The following ADCY2 variants were observed in gnomAD, a reference collection of about 807,000 sequenced individuals.
ADCY2 encodes the protein adenylate cyclase type 2.
A neutral mutation model predicts 125.2 loss-of-function variants in ADCY2; 31 were observed. The ratio of observed to expected loss-of-function variants is 0.25; its 90% CI spans 0.19 to 0.33. The LOEUF (loss-of-function observed/expected upper bound fraction) is 0.33, where lower values mean the gene tolerates loss of function less well. Ranked by LOEUF, ADCY2 falls within the 10% of genes least tolerant of loss-of-function variation. The pLI is 1.00. For missense variants in ADCY2, 904 were observed against 1,418.2 expected (o/e 0.64, Z 5.82); for synonymous variants, 512 against 548.4 (o/e 0.93, Z 0.93).
In ADCY2 at chr5:7,661,691, A is replaced by G. The variant is rs375034371; in HGVS notation, c.721-29000A>G. ...TGACATGGAAGTTTTGATAAAATTC[A>G]GCTGATCTGTCTCCATCTGTCCTGA... On this transcript the variant is annotated intron_variant, in intron 4 of 24. Coordinates refer to ENST00000338316, the MANE Select transcript of ADCY2 (RefSeq NM_020546.3). Among the ~76,000 whole-genome samples the G allele has an allele frequency of 2.6e-5, 4 of 152,334 alleles. No individual in the cohort carries two copies. The East Asian group carries it at 5.8e-4, about 22-fold the overall frequency.
intron 4 of ADCY2, among the ~76,000 whole-genome samples, chr5:7,665,753 C>G (rs1212992574): frequency 1.3e-5 from 2 of 149,130 alleles, no homozygotes; most frequent in Non-Finnish European, 3.0e-5. Flanking sequence ...CCGGCCACAT[C>G]TCTATCTCTC....
At chr5:7,439,610 A>G (rs2126395671) in intron 2 of ADCY2, among the ~76,000 whole-genome samples, 1 of 152,290 alleles carries the variant, frequency 6.6e-6, no homozygotes, top group African/African-American at 2.4e-5. Flanking sequence ...CCTCATTAAT[A>G]TTAACTATTC....
chr5:7,738,828 G>A (rs4551035), intron 14 of ADCY2, among the ~76,000 whole-genome samples: 150,991 of 152,060 alleles, frequency 0.99, 74,970 homozygotes, highest in Middle Eastern at 1. Context: ...ACCAGGAGGC[G>A]TAAAATCATA....
intron 3 of ADCY2, among the ~76,000 whole-genome samples, chr5:7,576,005 C>T (rs1475557465): frequency 6.6e-6 from 1 of 152,116 alleles, no homozygotes; most frequent in Non-Finnish European, 1.5e-5. Context: ...TCTAAAGCAA[C>T]AAGGAAGGAT....
At position 7,782,511 on chromosome 5, in the gene ADCY2, C is replaced by T. The variant is rs553119036; in HGVS notation, c.2385-1854C>T. ...TAGTTAGAAATGCAAAGGGGACTTGCGTTCTGATTTGTTGCACTAATGAAG... is the reference window on the plus strand; with the variant it reads ...TAGTTAGAAATGCAAAGGGGACTTGTGTTCTGATTTGTTGCACTAATGAAG... On this transcript the variant is annotated intron_variant, in intron 18 of 24. Coordinates refer to ENST00000338316, the MANE Select transcript of ADCY2 (RefSeq NM_020546.3). Among the ~76,000 whole-genome samples the T allele has an allele frequency of 2.6e-5, 4 of 152,300 alleles. 1 individual carries two copies. In the South Asian group the frequency reaches 8.3e-4, roughly 32 times the overall value.
chr5:7,674,434 G>A (rs147667370), intron 4 of ADCY2, among the ~76,000 whole-genome samples: 8 of 152,296 alleles, frequency 5.3e-5, no homozygotes, highest in Non-Finnish European at 8.8e-5. Context: ...GCGCCATTTC[G>A]AGTGTGCTCA....
At chr5:7,510,463 G>A (rs1744012852) in intron 2 of ADCY2, among the ~76,000 whole-genome samples, 1 of 152,180 alleles carries the variant, frequency 6.6e-6, no homozygotes, top group South Asian at 2.1e-4. Context: ...CTGGGAAGCA[G>A]GGTTACCATA....
At chr5:7,804,069 A>AGAGAGAGAGAGAGCGC (rs1553990875) in intron 21 of ADCY2, among the ~76,000 whole-genome samples, 1 of 140,444 alleles carries the variant, frequency 7.1e-6, no homozygotes, top group South Asian at 2.2e-4. Context: ...AGAGAGAGAG[A>AGAGAGAGAGAGAGCGC]GAGAGCTGGT....
chr5:7,615,926 A>G (rs902337452), intron 3 of ADCY2, among the ~76,000 whole-genome samples: 15 of 152,238 alleles, frequency 9.9e-5, no homozygotes, highest in Admixed American at 2.6e-4. Context: ...CACATTGGCC[A>G]CTGATCATCA....
chr5:7,531,181 T>C (rs1734628014), intron 3 of ADCY2, among the ~76,000 whole-genome samples: 1 of 152,174 alleles, frequency 6.6e-6, no homozygotes, highest in South Asian at 2.1e-4. Context: ...AGTAGGCATA[T>C]AGAGAGCTGG....
At chr5:7,711,062 A>G (rs983451827) in intron 10 of ADCY2, among the ~76,000 whole-genome samples, 1 of 152,196 alleles carries the variant, frequency 6.6e-6, no homozygotes, top group Non-Finnish European at 1.5e-5. Context: ...CTTCTAACCT[A>G]TAGTTAAGTG....
intron 7 of ADCY2, among the ~76,000 whole-genome samples, chr5:7,702,127 C>T (rs1014861325): frequency 2.6e-5 from 4 of 151,832 alleles, no homozygotes; most frequent in African/African-American, 9.7e-5. Context: ...CATGGTGGCT[C>T]ATGCCTGTAA....
At chr5:7,429,134 C>A (rs1579434860) in intron 2 of ADCY2, among the ~76,000 whole-genome samples, 1 of 152,164 alleles carries the variant, frequency 6.6e-6, no homozygotes, top group African/African-American at 2.4e-5. Flanking sequence ...AAAAAAGCTC[C>A]AGGAAAGAGC....
chr5:7,799,123 T>C (rs1744515731), intron 20 of ADCY2: 1 of 152,244 alleles, frequency 6.6e-6, no homozygotes, highest in Non-Finnish European at 1.5e-5. Flanking sequence ...AAACTCACTT[T>C]CAATTCTAAA....
intron 10 of ADCY2, among the ~76,000 whole-genome samples, chr5:7,712,363 A>G (rs1487908735): frequency 6.6e-6 from 1 of 152,098 alleles, no homozygotes; most frequent in Non-Finnish European, 1.5e-5. Flanking sequence ...ATTTTGTCCA[A>G]TGGTTTGTGA....
intron 3 of ADCY2, among the ~76,000 whole-genome samples, chr5:7,571,567 T>C (rs867523720): frequency 6.6e-6 from 1 of 152,184 alleles, no homozygotes; most frequent in Non-Finnish European, 1.5e-5. Flanking sequence ...AAATTTTGTA[T>C]AGTTTGTTCT....
At chr5:7,721,385 G>A (rs1019849362) in intron 12 of ADCY2, among the ~76,000 whole-genome samples, 40 of 152,310 alleles carry the variant, frequency 2.6e-4, no homozygotes, top group African/African-American at 8.9e-4. Flanking sequence ...TTGCTGTGCA[G>A]AAGCTCTTTA....
chr5:7,508,175 A>G (rs555510028), intron 2 of ADCY2, among the ~76,000 whole-genome samples: 35 of 152,252 alleles, frequency 2.3e-4, no homozygotes, highest in Non-Finnish European at 3.7e-4. Flanking sequence ...CAATGGGTAA[A>G]CATTTTGCCT....
At chr5:7,503,603 T>C (rs1743681194) in intron 2 of ADCY2, among the ~76,000 whole-genome samples, 1 of 152,186 alleles carries the variant, frequency 6.6e-6, no homozygotes. Context: ...GACAAGGTGC[T>C]TCACCTCTGG....
Sources: allele counts gnomAD v4.1 joint callset (sites outside exome capture counted in the v4.1 genomes callset), GRCh38; gene constraint gnomAD v4.1.1; transcripts MANE v1.5; gene names NCBI Gene and HGNC (gene_info 2026-07-23, HGNC 2026-07-21).